Variants in GRIK4 observed in about 807,000 individuals in gnomAD.
GRIK4 encodes the protein glutamate ionotropic receptor kainate type subunit 4.
Under a neutral mutation model 104.9 loss-of-function variants are expected in GRIK4, and 40 were observed. The observed-to-expected ratio is 0.38, with a 90% confidence interval of 0.30 to 0.50. The LOEUF is 0.50. Ranked by LOEUF, GRIK4 falls within the 20% of genes least tolerant of loss-of-function variation. The pLI, the probability that GRIK4 is intolerant of heterozygous loss-of-function variation, is 0.93. For missense variants in GRIK4, 1,047 were observed against 1,308.1 expected (o/e 0.80, Z 3.08); for synonymous variants, 485 against 524.9 (o/e 0.92, Z 1.04).
chr11:120,968,414 C>T (rs865920244), intron 19 of GRIK4, among the ~76,000 whole-genome samples: 1 of 152,150 alleles, frequency 6.6e-6, no homozygotes, highest in Non-Finnish European at 1.5e-5. Context: ...ACAGATTTAC[C>T]TGTCCACGCT....
chr11:120,949,170 C>T (rs1297746340), intron 14 of GRIK4, among the ~76,000 whole-genome samples: 1 of 152,176 alleles, frequency 6.6e-6, no homozygotes, highest in Admixed American at 6.5e-5. Flanking sequence ...ATAAGAGGAA[C>T]TTTGGGCATG....
chr11:120,967,225 C>T lies in GRIK4; in HGVS notation c.2297C>T (p.Ala766Val), dbSNP rs1467353633. The stretch of plus-strand genomic sequence containing the variant: ...GTTTTCCGGGACGAGTTTGATCTGG[C>T]CATTCTCCAGCTGCAGGAGAACAAC... ...GSVFRDEFDL[A>V]ILQLQENNRL... Residue 766 changes from alanine (A) to valine (V), a missense_variant, in exon 19 of 21, where the codon GCC (alanine) becomes GTC (valine). Physicochemically the swap from Ala to Val is moderately conservative, Grantham distance 64 (BLOSUM62 0). Around this residue, in one of 3 missense-constraint regions of GRIK4, gnomAD observed 440 missense variants for 652.3 expected, o/e 0.67. Coordinates refer to ENST00000527524, the MANE Select transcript of GRIK4 (RefSeq NM_014619.5). This position sits in a 1 kb window ranked among gnomAD's most constrained non-coding sequence, Gnocchi z 4.2. The T allele has an allele frequency of 6.2e-7, 1 of 1,613,592 alleles. No homozygotes were observed. The highest frequency in any genetic ancestry group is 8.5e-7 in the Non-Finnish European group (1 of 1,179,786).
intron 1 of GRIK4, among the ~76,000 whole-genome samples, chr11:120,589,104 G>A (rs1053687286): frequency 6.6e-6 from 1 of 152,194 alleles, no homozygotes; most frequent in South Asian, 2.1e-4. Flanking sequence ...GGAAAAATCA[G>A]ATGCCCTCTG....
rs990800121 is a variant in GRIK4, at chr11:120,903,149, G to T, written c.1273-2141G>T. ...CTCTGGGCTCCTAGAATCGTGATGT[G>T]CAGGTTTCTCCATGCACACCTGTAC... On this transcript the variant is annotated intron_variant, in intron 12 of 20. Transcript: ENST00000527524. The surrounding 1 kb of genome is among the most constrained non-coding windows in gnomAD (Gnocchi z 4.4). Among the ~76,000 whole-genome samples, 4 of 152,042 alleles carry T rather than the reference G, an allele frequency of 2.6e-5. No individual in the cohort carries two copies. The highest frequency in any genetic ancestry group is 1.9e-4 in the East Asian group (1 of 5,172).
At chr11:120,635,283 G>C (rs919240275) in intron 1 of GRIK4, among the ~76,000 whole-genome samples, 2 of 152,230 alleles carry the variant, frequency 1.3e-5, no homozygotes, top group African/African-American at 4.8e-5. Context: ...ACCACCCAAG[G>C]TGCACTGAGT....
intron 11 of GRIK4, among the ~76,000 whole-genome samples, chr11:120,884,855 A>G (rs1406836381): frequency 6.6e-6 from 1 of 152,256 alleles, no homozygotes; most frequent in East Asian, 1.9e-4. Context: ...GAGCCGGGCC[A>G]TGCTCAGGCC....
intron 6 of GRIK4, among the ~76,000 whole-genome samples, chr11:120,824,532 T>C (rs1953204777): frequency 6.6e-6 from 1 of 151,362 alleles, no homozygotes; most frequent in Non-Finnish European, 1.5e-5. Flanking sequence ...TTATTTTTTT[T>C]CCTTCTTTTT....
intron 3 of GRIK4, among the ~76,000 whole-genome samples, chr11:120,662,618 G>C (rs1011690056): frequency 3.3e-5 from 5 of 152,148 alleles, no homozygotes; most frequent in African/African-American, 1.2e-4. Flanking sequence ...ATGCAGATGG[G>C]CTGGGCTGGC....
chr11:120,660,563 G>C (rs1346283279), intron 3 of GRIK4, among the ~76,000 whole-genome samples, 163 bp downstream of exon 3: 1 of 152,232 alleles, frequency 6.6e-6, no homozygotes, highest in Non-Finnish European at 1.5e-5. Context: ...GGTGGAGGCA[G>C]CTGACAGGTG....
intron 13 of GRIK4, among the ~76,000 whole-genome samples, chr11:120,913,427 T>C (rs1943040793): frequency 6.6e-6 from 1 of 151,536 alleles, no homozygotes; most frequent in East Asian, 2.0e-4. Context: ...AGGGAGGCAT[T>C]CTTGGTCAAG....
chr11:120,532,853 G>A (rs1473857414), intron 1 of GRIK4, among the ~76,000 whole-genome samples: 1 of 152,126 alleles, frequency 6.6e-6, no homozygotes, highest in Non-Finnish European at 1.5e-5. Flanking sequence ...GGAAGGGAGT[G>A]GGAAGGGCAG....
At chr11:120,688,467 C>T (rs1424637197) in intron 3 of GRIK4, among the ~76,000 whole-genome samples, 2 of 152,166 alleles carry the variant, frequency 1.3e-5, no homozygotes, top group African/African-American at 4.8e-5. Context: ...TGGGCTGCCT[C>T]ACCATGAAGA....
At chr11:120,893,448 A>G (rs1276245353) in intron 11 of GRIK4, among the ~76,000 whole-genome samples, 1 of 152,256 alleles carries the variant, frequency 6.6e-6, no homozygotes, top group African/African-American at 2.4e-5. Context: ...TGTGGAACCA[A>G]TTAAGCAGCC....
intron 3 of GRIK4, among the ~76,000 whole-genome samples, chr11:120,733,721 G>T (rs1951178022): frequency 6.7e-6 from 1 of 148,544 alleles, no homozygotes; most frequent in South Asian, 2.1e-4. Context: ...TTGGTTCATT[G>T]TTTAGTCTTT....
intron 1 of GRIK4, among the ~76,000 whole-genome samples, chr11:120,601,049 G>T (rs1322140472): frequency 1.3e-5 from 2 of 151,618 alleles, no homozygotes; most frequent in Middle Eastern, 3.4e-3. Flanking sequence ...GTGAGACCTT[G>T]TCACAAACAA....
chr11:120,572,017 C>A (rs1007605249), intron 1 of GRIK4, among the ~76,000 whole-genome samples: 12 of 152,204 alleles, frequency 7.9e-5, no homozygotes, highest in Non-Finnish European at 1.6e-4. Flanking sequence ...TTAAACAACA[C>A]ATATTTCTCA....
intron 3 of GRIK4, among the ~76,000 whole-genome samples, chr11:120,797,167 G>A (rs1952535278): frequency 6.6e-6 from 1 of 152,136 alleles, no homozygotes; most frequent in East Asian, 1.9e-4. Context: ...GGAAAGAGCG[G>A]GAAGCCCCGG....
intron 3 of GRIK4, among the ~76,000 whole-genome samples, chr11:120,766,653 A>C (rs1010482743): frequency 1.3e-5 from 2 of 152,044 alleles, no homozygotes; most frequent in Admixed American, 1.3e-4. Flanking sequence ...TCTGGGCCAA[A>C]TATCACCGTC....
intron 13 of GRIK4, among the ~76,000 whole-genome samples, chr11:120,932,815 T>C (rs1943509835): frequency 6.6e-6 from 1 of 152,138 alleles, no homozygotes; most frequent in Admixed American, 6.5e-5. Flanking sequence ...TGTAGAAAGC[T>C]GCTGGCATGT....
Sources: gnomAD v4.1 joint callset for allele counts (sites outside exome capture counted in the v4.1 genomes callset) on GRCh38, gnomAD v4.1.1 for gene constraint, gnomAD v4.1.1 regional missense constraint, Gnocchi (gnomAD v3.1) non-coding constraint, MANE v1.5 for transcripts, NCBI Gene and HGNC (gene_info 2026-07-23, HGNC 2026-07-21) for gene names.